The following JAKMIP1 variants were observed in gnomAD, a reference collection of about 807,000 sequenced individuals.
JAKMIP1 encodes janus kinase and microtubule interacting protein 1, also known as janus kinase and microtubule-interacting protein 1.
A neutral mutation model predicts 113.0 loss-of-function variants in JAKMIP1; 33 were observed. That is an observed-to-expected ratio of 0.29 (90% CI 0.22 to 0.39). The LOEUF (loss-of-function observed/expected upper bound fraction) is 0.39. Ranked by LOEUF, JAKMIP1 falls within the 10% of genes least tolerant of loss-of-function variation. JAKMIP1 has a pLI of 1.00. For synonymous variants in JAKMIP1, 480 were observed against 459.9 expected (o/e 1.04, Z -0.56); for missense variants, 813 against 1,080.5 (o/e 0.75, Z 3.47).
chr4:6,151,633 A>G (rs1721581728), intron 1 of JAKMIP1, among the ~76,000 whole-genome samples: 1 of 152,194 alleles, frequency 6.6e-6, no homozygotes, highest in Non-Finnish European at 1.5e-5. Context: ...TTAAGCTCAG[A>G]GTCCTCCAGT....
rs185786163 is a variant in JAKMIP1 at position 6,157,293 on chromosome 4, G to T, written c.-148+42960C>A. Among the ~76,000 whole-genome samples the T allele has an allele frequency of 6.6e-6, 1 of 152,152 alleles. No individual in the cohort carries two copies. Among genetic ancestry groups the T allele is most frequent in the African/African-American group, 2.4e-5 (1 of 41,426 alleles). Reference sequence around the variant, plus strand: ...AGCAACACAAAATGGACTAAGACGAGTGCACCTGGGCAGGTTACTCCCTCT... The same window carrying T: ...AGCAACACAAAATGGACTAAGACGATTGCACCTGGGCAGGTTACTCCCTCT... On this transcript the variant is annotated intron_variant, in intron 1 of 20. Coordinates refer to ENST00000409021, the MANE Select transcript of JAKMIP1 (RefSeq NM_001099433.2). This position sits in a 1 kb window ranked among gnomAD's most constrained non-coding sequence, Gnocchi z 4.7.
Position 6,081,652 on chromosome 4 carries a change from A to G in JAKMIP1, c.1058T>C (p.Met353Thr). 1 of 1,614,168 alleles carries G rather than the reference A, an allele frequency of 6.2e-7. No homozygotes were observed. Reference sequence around the variant, plus strand: ...CGTGAGGTTCTTGATTTTCTCCTCCATCCTCTGGATACTCTGCAACAGATC... The same window carrying G: ...CGTGAGGTTCTTGATTTTCTCCTCCGTCCTCTGGATACTCTGCAACAGATC... The part of the protein sequence containing the change: ...NEDLLQSIQR[M>T]EEKIKNLTRE... Residue 353 changes from methionine to threonine, a missense_variant, in exon 6 of 21, where the codon ATG becomes ACG. Physicochemically the swap from Met to Thr is moderately conservative, Grantham distance 81. Coordinates refer to ENST00000409021, the MANE Select transcript of JAKMIP1 (RefSeq NM_001099433.2). This position sits in a 1 kb window ranked among gnomAD's most constrained non-coding sequence, Gnocchi z 4.6.
chr4:6,198,558 T>C (rs748882541), intron 1 of JAKMIP1, among the ~76,000 whole-genome samples: 37 of 152,230 alleles, frequency 2.4e-4, no homozygotes, highest in Non-Finnish European at 4.6e-4. Flanking sequence ...GGGAGCTGCT[T>C]ACTGCAAAAA....
chr4:6,049,762 G>A lies in JAKMIP1; in HGVS notation c.1962+57C>T, dbSNP rs1363563111. On this transcript the variant is annotated intron_variant, in intron 15 of 20. Coordinates refer to ENST00000409021, the MANE Select transcript of JAKMIP1 (RefSeq NM_001099433.2). The surrounding 1 kb of genome is among the most constrained non-coding windows in gnomAD (Gnocchi z 7.0). ...AACAAAACAAAACAAAAGTCACACA[G>A]AATACACCCAGATCAAAACAAGAAC... 6.2e-6 allele frequency: 8 copies of A among 1,280,308 alleles called. No individual in the cohort carries two copies. Among genetic ancestry groups the A allele is most frequent in the Non-Finnish European group, 9.1e-6 (8 of 878,594 alleles). The allele number at this position is 1,280,308 out of a possible 1,614,324, so 79.3% of individuals were successfully genotyped here. A position where few individuals can be genotyped will look rare whatever the true frequency, so the allele number is the denominator to read the frequency against.
chr4:6,035,371 T>C (rs1320278476), intron 19 of JAKMIP1, among the ~76,000 whole-genome samples: 3 of 152,246 alleles, frequency 2.0e-5, no homozygotes, highest in Non-Finnish European at 2.9e-5. Flanking sequence ...GCCCGACAAA[T>C]GCTCTGCATG....
At chr4:6,125,759 C>T (rs1223559937) in intron 1 of JAKMIP1, among the ~76,000 whole-genome samples, 10 of 130,570 alleles carry the variant, frequency 7.7e-5, no homozygotes, top group African/African-American at 2.8e-4. Context: ...GAAACACACA[C>T]GCACACCATA....
At position 6,193,877 on chromosome 4, in the gene JAKMIP1, G is replaced by A. The variant is rs1381609386; in HGVS notation, c.-148+6376C>T. Reference sequence around the variant, plus strand: ...CTGAGCACTGCTTCCAACACCAGCCGCAAAGGTGAGAACGACCCCAATGTC... The same window carrying A: ...CTGAGCACTGCTTCCAACACCAGCCACAAAGGTGAGAACGACCCCAATGTC... On this transcript the variant is annotated intron_variant, in intron 1 of 20. Coordinates refer to ENST00000409021, the MANE Select transcript of JAKMIP1 (RefSeq NM_001099433.2). The surrounding 1 kb of genome is among the most constrained non-coding windows in gnomAD (Gnocchi z 6.4). Among the ~76,000 whole-genome samples the A allele has an allele frequency of 6.6e-6, 1 of 152,160 alleles. No homozygotes were observed. The highest frequency in any genetic ancestry group is 1.5e-5 in the Non-Finnish European group (1 of 68,026).
chr4:6,194,795 C>T lies in JAKMIP1; in HGVS notation c.-148+5458G>A, dbSNP rs1210793357. Among the ~76,000 whole-genome samples, 2 of 152,194 alleles carry T rather than the reference C, an allele frequency of 1.3e-5. No individual in the cohort carries two copies. The highest frequency in any genetic ancestry group is 2.4e-5 in the African/African-American group (1 of 41,446). ...AGCCAGTCTAAGCCACGGTGGGAGA[C>T]AGGAGAGCAGGCAGCCTGTACCCAG... On this transcript the variant is annotated intron_variant, in intron 1 of 20. Coordinates refer to ENST00000409021, the MANE Select transcript of JAKMIP1 (RefSeq NM_001099433.2). The surrounding 1 kb of genome is among the most constrained non-coding windows in gnomAD (Gnocchi z 7.4).
rs527907560 is a variant in JAKMIP1 at position 6,183,987 on chromosome 4, C to T, written c.-148+16266G>A. On this transcript the variant is annotated intron_variant, in intron 1 of 20. Transcript: ENST00000409021. The surrounding 1 kb of genome is among the most constrained non-coding windows in gnomAD (Gnocchi z 5.3). ...ATTGCAACTGTCACCCTATACTTTT[C>T]GTTTTGAAAGTTGAATTCATCAGAG... Among the ~76,000 whole-genome samples, 3 of 152,314 alleles carry T rather than the reference C, an allele frequency of 2.0e-5. No homozygotes were observed. Among genetic ancestry groups the T allele is most frequent in the South Asian group, 4.1e-4 (2 of 4,828 alleles).
At chr4:6,131,427 G>C (rs1431871663) in intron 1 of JAKMIP1, among the ~76,000 whole-genome samples, 2 of 150,894 alleles carry the variant, frequency 1.3e-5, no homozygotes, top group Admixed American at 1.3e-4. Context: ...CAGAAAAGTA[G>C]AGATAAAGAA....
intron 3 of JAKMIP1, 47 bp from the exon 4 acceptor site, chr4:6,085,676 A>C: frequency 6.4e-7 from 1 of 1,570,338 alleles, no homozygotes; most frequent in South Asian, 1.1e-5. Flanking sequence ...GCTCATGACC[A>C]AGGAAATCTC....
At chr4:6,071,424 C>T (rs1286873135) in intron 8 of JAKMIP1, among the ~76,000 whole-genome samples, 2 of 152,152 alleles carry the variant, frequency 1.3e-5, no homozygotes, top group African/African-American at 4.8e-5. Flanking sequence ...CCTGAAGTCA[C>T]CTCCTGAAAC....
chr4:6,052,044 C>T (rs1023254330), intron 13 of JAKMIP1, among the ~76,000 whole-genome samples: 39 of 151,898 alleles, frequency 2.6e-4, no homozygotes, highest in African/African-American at 2.4e-5. Flanking sequence ...AAGAGAGGCA[C>T]GAATCTAGAT....
In JAKMIP1 at chr4:6,067,443, C is replaced by T. The variant is rs373027574; in HGVS notation, c.1303-2435G>A. 1.3e-5 allele frequency among the ~76,000 whole-genome samples: 2 copies of T among 152,188 alleles called. No individual in the cohort carries two copies. The highest frequency in any genetic ancestry group is 2.9e-5 in the Non-Finnish European group (2 of 68,028). On this transcript the variant is annotated intron_variant, in intron 8 of 20. Transcript: ENST00000409021. The surrounding 1 kb of genome is among the most constrained non-coding windows in gnomAD (Gnocchi z 4.6). ...TCTCCTTGCAGAGGCTGGAGACAATCATCTACTCAAATCTCCCCTCTGGAT... is the reference window on the plus strand; with the variant it reads ...TCTCCTTGCAGAGGCTGGAGACAATTATCTACTCAAATCTCCCCTCTGGAT...
chr4:6,116,242 GCCC>G lies in JAKMIP1; in HGVS notation c.-147-3248_-147-3246del, dbSNP rs1215017791. Among the ~76,000 whole-genome samples the G allele has an allele frequency of 1.3e-5, 2 of 152,110 alleles. No homozygotes were observed. Among genetic ancestry groups the G allele is most frequent in the Admixed American group, 6.5e-5 (1 of 15,270 alleles). ...GCACCACACAGCATCACTGTAATCAGCCCCTCTGGCTGCGGGCTGCCCAAAGGT... is the reference window on the plus strand; with the variant it reads ...GCACCACACAGCATCACTGTAATCAGCTCTGGCTGCGGGCTGCCCAAAGGT... On this transcript the variant is annotated intron_variant, in intron 1 of 20. Coordinates refer to ENST00000409021, the MANE Select transcript of JAKMIP1 (RefSeq NM_001099433.2). The surrounding 1 kb of genome is among the most constrained non-coding windows in gnomAD (Gnocchi z 5.1).
At position 6,138,099 on chromosome 4, in the gene JAKMIP1, C is replaced by T. The variant is rs960061653; in HGVS notation, c.-147-25102G>A. Among the ~76,000 whole-genome samples the T allele has an allele frequency of 1.3e-5, 2 of 152,288 alleles. No individual in the cohort carries two copies. Among genetic ancestry groups the T allele is most frequent in the South Asian group, 4.2e-4 (2 of 4,810 alleles). On this transcript the variant is annotated intron_variant, in intron 1 of 20. Transcript: ENST00000409021. This position sits in a 1 kb window ranked among gnomAD's most constrained non-coding sequence, Gnocchi z 6.0. ...AAGCCTAAGCCCAGACAAGACTCTGCTCCCTGACCTTCCACTACTGGCACC... is the reference window on the plus strand; with the variant it reads ...AAGCCTAAGCCCAGACAAGACTCTGTTCCCTGACCTTCCACTACTGGCACC...
chr4:6,026,890 C>CTCACCAGCTATTG, intron 20 of JAKMIP1, among the ~76,000 whole-genome samples: 1 of 133,786 alleles, frequency 7.5e-6, no homozygotes, highest in South Asian at 2.3e-4. Flanking sequence ...TTTTTTTTAG[C>CTCACCAGCTATTG]TCACCAGCTA....
rs1718220959 is a variant in JAKMIP1, at chr4:6,067,164, C to T, written c.1303-2156G>A. Among the ~76,000 whole-genome samples, 1 of 152,190 alleles carries T rather than the reference C, an allele frequency of 6.6e-6. No individual in the cohort carries two copies. The highest frequency in any genetic ancestry group is 2.4e-5 in the African/African-American group (1 of 41,446). ...GCTATTGTGTTTACTGATGGTCTTC[C>T]CCCTACCCCTTGAAATGGAAGCTCC... On this transcript the variant is annotated intron_variant, in intron 8 of 20. Coordinates refer to ENST00000409021, the MANE Select transcript of JAKMIP1 (RefSeq NM_001099433.2). The surrounding 1 kb of genome is among the most constrained non-coding windows in gnomAD (Gnocchi z 4.6).
At position 6,044,163 on chromosome 4, in the gene JAKMIP1, T is replaced by A. The variant is rs561650308; in HGVS notation, c.2029-1936A>T. ...GTGCCCATGTCAGTCATCTTGTGAA[T>A]GCCGGGTCGTAGCACTCACCTGACA... On this transcript the variant is annotated intron_variant, in intron 16 of 20. Coordinates refer to ENST00000409021, the MANE Select transcript of JAKMIP1 (RefSeq NM_001099433.2). This position sits in a 1 kb window ranked among gnomAD's most constrained non-coding sequence, Gnocchi z 4.4. Among the ~76,000 whole-genome samples the A allele has an allele frequency of 2.8e-5, 4 of 145,094 alleles. No individual in the cohort carries two copies. The South Asian group carries it at 8.5e-4, about 31-fold the overall frequency.
Sources: gnomAD v4.1 joint callset for allele counts (sites outside exome capture counted in the v4.1 genomes callset) on GRCh38, gnomAD v4.1.1 for gene constraint, Gnocchi (gnomAD v3.1) non-coding constraint, MANE v1.5 for transcripts, NCBI Gene and HGNC (gene_info 2026-07-23, HGNC 2026-07-21) for gene names.